Variants in ADAMTSL1 observed in about 807,000 individuals in gnomAD.
The protein encoded by ADAMTSL1 is ADAMTS-like protein 1.
A neutral mutation model predicts 201.8 loss-of-function variants in ADAMTSL1; 126 were observed. That is an observed-to-expected ratio of 0.62 (90% CI 0.54 to 0.72). ADAMTSL1 has a LOEUF of 0.72. Ranked by LOEUF, ADAMTSL1 falls within the 30% of genes least tolerant of loss-of-function variation. ADAMTSL1 has a pLI of 0.00. For synonymous variants in ADAMTSL1, 1,121 were observed against 903.4 expected (o/e 1.24, Z -4.32); for missense variants, 2,679 against 2,277.8 (o/e 1.18, Z -3.59).
chr9:18,478,718 A>G (rs1821584124), intron 1 of ADAMTSL1, among the ~76,000 whole-genome samples: 1 of 152,176 alleles, frequency 6.6e-6, no homozygotes, highest in South Asian at 2.1e-4. Context: ...TTCGTAGCAT[A>G]AGGACCGGAG....
intron 2 of ADAMTSL1, among the ~76,000 whole-genome samples, chr9:18,221,663 T>C (rs1031352543): frequency 2.0e-5 from 3 of 152,192 alleles, no homozygotes; most frequent in African/African-American, 7.2e-5. Flanking sequence ...TAATTTCCAT[T>C]ATAATTTCTT....
rs532629374 is a variant in ADAMTSL1 at position 18,337,442 on chromosome 9, T to C, written c.208-167387T>C. Among the ~76,000 whole-genome samples the C allele has an allele frequency of 1.1e-4, 17 of 152,308 alleles. No individual in the cohort carries two copies. In the South Asian group the frequency reaches 3.5e-3, roughly 32 times the overall value. ...ATACTCCTTAATAAACTCCCTTTCA[T>C]ATATACATCTATCCTATTAGTCCTG... On this transcript the variant is annotated intron_variant, in intron 2 of 29. Transcript: ENST00000680146.
At chr9:18,529,225 T>C (rs1008479352) in intron 2 of ADAMTSL1, among the ~76,000 whole-genome samples, 4 of 152,336 alleles carry the variant, frequency 2.6e-5, no homozygotes, top group Middle Eastern at 3.4e-3. Context: ...TTCTTGGAGA[T>C]GTTCCAATGT....
chr9:18,098,305 A>G (rs1427843036), intron 1 of ADAMTSL1, among the ~76,000 whole-genome samples: 1 of 152,084 alleles, frequency 6.6e-6, no homozygotes, highest in African/African-American at 2.4e-5. Flanking sequence ...GCATTTCCAT[A>G]TAAGGTTTAT....
intron 1 of ADAMTSL1, among the ~76,000 whole-genome samples, chr9:18,119,458 G>T (rs1227612933): frequency 1.3e-5 from 2 of 151,880 alleles, no homozygotes; most frequent in East Asian, 1.9e-4. Flanking sequence ...GTGCCACCAC[G>T]CCCAGCTAAT....
At chr9:17,924,211 T>C (rs1284819388) in intron 1 of ADAMTSL1, among the ~76,000 whole-genome samples, 1 of 151,992 alleles carries the variant, frequency 6.6e-6, no homozygotes, top group African/African-American at 2.4e-5. Context: ...TACCAGTTCC[T>C]CCTTGTACCT....
In ADAMTSL1 at chr9:17,980,877, C is replaced by T. The variant is rs146326680; in HGVS notation, c.87+73955C>T. On this transcript the variant is annotated intron_variant, in intron 1 of 29. Coordinates refer to the ADAMTSL1 transcript ENST00000680146. ...ATCTGCTTCTGATAGGGGCTTCAGGCTTCTGCCCATGCAGAAGGTGAAGGG... is the reference window on the plus strand; with the variant it reads ...ATCTGCTTCTGATAGGGGCTTCAGGTTTCTGCCCATGCAGAAGGTGAAGGG... 3.9e-5 allele frequency among the ~76,000 whole-genome samples: 6 copies of T among 152,216 alleles called. No individual in the cohort carries two copies. In the East Asian group the frequency reaches 1.2e-3, roughly 29 times the overall value.
chr9:18,836,640 G>T (rs7022488), intron 23 of ADAMTSL1, among the ~76,000 whole-genome samples: 136,139 of 152,174 alleles, frequency 0.89, 61,095 homozygotes, highest in African/African-American at 0.95. Flanking sequence ...TGAAAAATGA[G>T]GTTGATAGTT....
chr9:18,804,256 A>G (rs1235382562), intron 20 of ADAMTSL1, among the ~76,000 whole-genome samples: 4 of 152,242 alleles, frequency 2.6e-5, no homozygotes, highest in Non-Finnish European at 5.9e-5. Flanking sequence ...GATGGCAAAG[A>G]AGTAGTACAG....
chr9:17,943,365 T>C (rs950210324), intron 1 of ADAMTSL1, among the ~76,000 whole-genome samples: 5 of 152,168 alleles, frequency 3.3e-5, no homozygotes, highest in African/African-American at 1.2e-4. Context: ...TTATTGTATT[T>C]TGGGGAGTTT....
chr9:18,880,471 A>G, intron 23 of ADAMTSL1, among the ~76,000 whole-genome samples: 1 of 152,250 alleles, frequency 6.6e-6, no homozygotes, highest in East Asian at 1.9e-4. Flanking sequence ...ATCTCCTTAT[A>G]CATCTCCATC....
intron 14 of ADAMTSL1, among the ~76,000 whole-genome samples, chr9:18,715,820 T>C (rs904665151): frequency 2.6e-5 from 4 of 151,838 alleles, no homozygotes; most frequent in African/African-American, 9.7e-5. Context: ...GGCATCACAC[T>C]ACCTGACTTC....
At chr9:18,630,880 C>G (rs1826723028) in intron 5 of ADAMTSL1, among the ~76,000 whole-genome samples, 1 of 152,070 alleles carries the variant, frequency 6.6e-6, no homozygotes, top group Admixed American at 6.6e-5. Context: ...ATTCTGATTC[C>G]TCATCTCCCT....
intron 26 of ADAMTSL1, 85 bp downstream of exon 26, chr9:18,892,681 C>A: frequency 7.1e-7 from 1 of 1,403,860 alleles, no homozygotes; most frequent in Non-Finnish European, 9.6e-7. Flanking sequence ...GCTATCACTG[C>A]CACTGCCACC....
At chr9:18,703,194 A>C (rs564183817) in intron 13 of ADAMTSL1, among the ~76,000 whole-genome samples, 2 of 152,294 alleles carry the variant, frequency 1.3e-5, no homozygotes, top group Non-Finnish European at 2.9e-5. Flanking sequence ...CTTCTAGCTC[A>C]GCAAGTGCTG....
At chr9:18,675,158 CA>C (rs1485050592) in intron 9 of ADAMTSL1, among the ~76,000 whole-genome samples, 1 of 152,176 alleles carries the variant, frequency 6.6e-6, no homozygotes, top group Non-Finnish European at 1.5e-5. Flanking sequence ...ACTGCAATAG[CA>C]GTTAACACTG....
chr9:18,408,439 C>G (rs374041712), intron 2 of ADAMTSL1, among the ~76,000 whole-genome samples: 1 of 152,068 alleles, frequency 6.6e-6, no homozygotes, highest in Non-Finnish European at 1.5e-5. Flanking sequence ...CCACTGCACT[C>G]CAGCCTGGGT....
At chr9:18,027,172 T>G (rs1466391041) in intron 1 of ADAMTSL1, among the ~76,000 whole-genome samples, 3 of 151,954 alleles carry the variant, frequency 2.0e-5, no homozygotes, top group Admixed American at 6.6e-5. Context: ...AACTTTTGAT[T>G]TCATTGGTCC....
intron 1 of ADAMTSL1, among the ~76,000 whole-genome samples, chr9:17,983,483 A>T (rs913902164): frequency 3.3e-5 from 5 of 152,148 alleles, no homozygotes; most frequent in Admixed American, 6.5e-5. Context: ...GTGTCAAAAT[A>T]AAAAAATAAG....
Sources: gnomAD v4.1 joint callset for allele counts (sites outside exome capture counted in the v4.1 genomes callset) on GRCh38, gnomAD v4.1.1 for gene constraint, MANE v1.5 for transcripts, NCBI Gene and HGNC (gene_info 2026-07-23, HGNC 2026-07-21) for gene names.